Variants in RFLNA observed in about 807,000 individuals in gnomAD.
The protein encoded by RFLNA is refilin A.
A neutral mutation model predicts 7.8 loss-of-function variants in RFLNA; 5 were observed. That is an observed-to-expected ratio of 0.64 (90% CI 0.34 to 1.35). RFLNA has a LOEUF of 1.35. RFLNA is among the 40% of genes most tolerant of loss of function. The probability of loss-of-function intolerance (pLI) is 0.04; values close to 1 mark genes in which losing one functional copy is unlikely to be tolerated. For missense variants in RFLNA, 278 were observed against 305.5 expected (o/e 0.91, Z 0.67); for synonymous variants, 141 against 131.3 (o/e 1.07, Z -0.50).
intron 1 of RFLNA, among the ~76,000 whole-genome samples, chr12:124,301,533 A>G (rs759975606): frequency 2.6e-5 from 4 of 151,912 alleles, no homozygotes; most frequent in African/African-American, 7.3e-5. Context: ...GACTGTGGAC[A>G]CTCCTGGTGT....
chr12:124,311,969 G>A, intron 2 of RFLNA, 42 bp downstream of exon 2: 1 of 1,474,860 alleles, frequency 6.8e-7, no homozygotes, highest in Non-Finnish European at 9.1e-7. Flanking sequence ...AGGGGGTGGG[G>A]GGTTGGGTGC....
intron 2 of RFLNA, 32 bp from the exon 3 acceptor site, chr12:124,314,160 G>A (rs1465968677): frequency 1.3e-6 from 2 of 1,589,516 alleles, no homozygotes; most frequent in South Asian, 1.2e-5. Context: ...CCCAATCCTG[G>A]GTTCACTCCG....
At chr12:124,302,805 T>TCAGGGGGCCGAGGTCAGGGGCC (rs1275197389) in intron 1 of RFLNA, among the ~76,000 whole-genome samples, 2 of 127,654 alleles carry the variant, frequency 1.6e-5, no homozygotes, top group South Asian at 2.6e-4. Flanking sequence ...GGTCAGGGGC[T>TCAGGGGGCCGAGGTCAGGGGCC]GAGGTCAGGG....
chr12:124,300,749 TGGATGGATGGATGGATGGATGGATTGAC>T (rs2034016728), intron 1 of RFLNA, among the ~76,000 whole-genome samples: 4 of 129,164 alleles, frequency 3.1e-5, no homozygotes, highest in Admixed American at 2.3e-4. Flanking sequence ...GATGGATGGA[TGGATGGATGGATGGATGGATGGATTGAC>T]GGATGGATGG....
At chr12:124,300,226 C>A (rs577393854) in intron 1 of RFLNA, among the ~76,000 whole-genome samples, 23 of 152,358 alleles carry the variant, frequency 1.5e-4, no homozygotes, top group Non-Finnish European at 2.8e-4. Flanking sequence ...CAGCTGGTGG[C>A]CTGGGCTCTG....
intron 2 of RFLNA, among the ~76,000 whole-genome samples, chr12:124,312,372 G>A (rs2034261593): frequency 6.6e-6 from 1 of 150,728 alleles, no homozygotes; most frequent in Non-Finnish European, 1.5e-5. Context: ...GTGCAGTGGT[G>A]GGATCATGGC....
Position 124,314,544 on chromosome 12 carries a change from G to T in RFLNA, c.*19G>T. 7 of 1,553,838 alleles carry T rather than the reference G, an allele frequency of 4.5e-6. No homozygotes were observed. Among genetic ancestry groups the T allele is most frequent in the Non-Finnish European group, 6.1e-6 (7 of 1,156,116 alleles). ...GCTCTGACGGGGCTGGGGCCGGCCC[G>T]GGGTGCTGGAGGAGCCGGGAGCCCT... On this transcript the variant is annotated 3_prime_UTR_variant, in exon 3 of 3. Coordinates refer to ENST00000546355, the MANE Select transcript of RFLNA (RefSeq NM_001365156.1).
At chr12:124,309,197 C>T (rs2034191697) in intron 1 of RFLNA, among the ~76,000 whole-genome samples, 1 of 152,156 alleles carries the variant, frequency 6.6e-6, no homozygotes, top group Non-Finnish European at 1.5e-5. Flanking sequence ...CCACAGTGGA[C>T]TCTGCTTCCC....
At chr12:124,299,662 G>A (rs141474551) in intron 1 of RFLNA, among the ~76,000 whole-genome samples, 7 of 152,246 alleles carry the variant, frequency 4.6e-5, no homozygotes, top group Non-Finnish European at 8.8e-5. Context: ...ATTCCATCCA[G>A]GTTGCTTCAA....
At chr12:124,292,150 G>A (rs1222783236), upstream of RFLNA, among the ~76,000 whole-genome samples, 1 of 152,180 alleles carries the variant, frequency 6.6e-6, no homozygotes, top group Non-Finnish European at 1.5e-5. Flanking sequence ...AACTTTGGAA[G>A]CGATTTGGAT....
chr12:124,294,733 G>A (rs993010093), upstream of RFLNA, among the ~76,000 whole-genome samples: 1 of 152,236 alleles, frequency 6.6e-6, no homozygotes, highest in Non-Finnish European at 1.5e-5. Flanking sequence ...GTAAGTTACA[G>A]AGAAAAAGAA....
intron 1 of RFLNA, 109 bp from the exon 2 acceptor site, chr12:124,311,684 TGATGGGCCCCACCAAGCAGCTTCCA>T: frequency 6.0e-6 from 5 of 828,640 alleles, no homozygotes; most frequent in African/African-American, 3.6e-5. Flanking sequence ...AGCGGCTTCC[TGATGGGCCCCACCAAGCAGCTTCCA>T]GACCAAGCCA....
In RFLNA at chr12:124,314,622, G is replaced by C. The variant is rs1265596636; in HGVS notation, c.*97G>C. 1.3e-5 allele frequency: 20 copies of C among 1,527,730 alleles called. No individual in the cohort carries two copies. Among genetic ancestry groups the C allele is most frequent in the Admixed American group, 3.9e-5 (2 of 50,974 alleles). 94.6% of individuals were successfully genotyped at this position (1,527,730 alleles called of 1,614,324 possible). A position where few individuals can be genotyped will look rare whatever the true frequency, so the allele number is the denominator to read the frequency against. Reference sequence around the variant, plus strand: ...TGAGCTCGGCCTGGCACTCGGGCAGGAGGCGGGAAGGGAGGCTGCCAGACC... The same window carrying C: ...TGAGCTCGGCCTGGCACTCGGGCAGCAGGCGGGAAGGGAGGCTGCCAGACC... On this transcript the variant is annotated 3_prime_UTR_variant, in exon 3 of 3. Coordinates refer to ENST00000546355, the MANE Select transcript of RFLNA (RefSeq NM_001365156.1).
intron 2 of RFLNA, 30 bp downstream of exon 2, chr12:124,311,957 G>A (rs1181064870): frequency 3.3e-6 from 5 of 1,533,500 alleles, no homozygotes; most frequent in Non-Finnish European, 3.5e-6. Flanking sequence ...CTGCGCGGGA[G>A]GAGGGGGTGG....
At chr12:124,307,590 C>T (rs1204083528) in intron 1 of RFLNA, among the ~76,000 whole-genome samples, 1 of 152,194 alleles carries the variant, frequency 6.6e-6, no homozygotes, top group East Asian at 1.9e-4. Flanking sequence ...TTTCCCATCC[C>T]GAGTCCCTGA....
intron 1 of RFLNA, chr12:124,311,605 T>A (rs182490370): frequency 3.9e-4 from 186 of 473,774 alleles, no homozygotes; most frequent in African/African-American, 1.4e-3. Flanking sequence ...GGTGGAGAGC[T>A]GGGCAGATCC....
At position 124,314,501 on chromosome 12, in the gene RFLNA, C is replaced by T. The variant is rs1342149689; in HGVS notation, c.627C>T (p.Ser209=). 1.1e-5 allele frequency: 18 copies of T among 1,589,286 alleles called. No individual in the cohort carries two copies. The highest frequency in any genetic ancestry group is 2.7e-5 in the African/African-American group (2 of 74,644). ...AGCTTTGCCAGGACCCTGCCCCCAG[C>T]CTCCTGGGCCCTGCCACGCTCTGAC... ...QLQLCQDPAP[S]LLGPATL The change falls in exon 3 of 3, where the codon AGC becomes AGT. Residue 209 remains serine, a synonymous_variant. Coordinates refer to ENST00000546355, the MANE Select transcript of RFLNA (RefSeq NM_001365156.1).
intron 1 of RFLNA, among the ~76,000 whole-genome samples, chr12:124,305,669 C>T (rs1357729911): frequency 3.3e-5 from 5 of 152,200 alleles, no homozygotes; most frequent in Non-Finnish European, 7.3e-5. Context: ...ATCTTCTGGC[C>T]GTTCTCTGAC....
intron 1 of RFLNA, among the ~76,000 whole-genome samples, chr12:124,305,656 A>C (rs933330760): frequency 6.6e-6 from 1 of 152,186 alleles, no homozygotes; most frequent in African/African-American, 2.4e-5. Context: ...CCGGCAGTGC[A>C]GCATCTTCTG....
Sources: allele counts gnomAD v4.1 joint callset (sites outside exome capture counted in the v4.1 genomes callset), GRCh38; gene constraint gnomAD v4.1.1; transcripts MANE v1.5; gene names NCBI Gene and HGNC (gene_info 2026-07-23, HGNC 2026-07-21).